CSN1S1: variants seen among roughly 807,000 people sequenced by gnomAD.
CSN1S1 encodes the protein alpha-S1-casein.
CSN1S1 carries 63 observed loss-of-function variants against 49.1 expected under a neutral mutation model. The observed-to-expected ratio is 1.28, with a 90% CI of 1.05 to 1.58. The LOEUF is 1.58. CSN1S1 is among the 40% of genes most tolerant of loss of function. The probability of loss-of-function intolerance (pLI) is 0.00; values close to 1 mark genes in which losing one functional copy is unlikely to be tolerated. For missense variants in CSN1S1, 260 were observed against 224.7 expected (o/e 1.16, Z -1.01); for synonymous variants, 78 against 67.1 (o/e 1.16, Z -0.79).
intron 4 of CSN1S1, 52 bp from the exon 5 acceptor site, chr4:69,935,874 T>C (rs1401278018): frequency 3.5e-6 from 4 of 1,154,438 alleles, no homozygotes; most frequent in Non-Finnish European, 5.0e-6. Context: ...CTAAATGATT[T>C]GATAGATAAC....
chr4:69,941,752 T>C (rs1722974070), intron 12 of CSN1S1, among the ~76,000 whole-genome samples: 1 of 151,910 alleles, frequency 6.6e-6, no homozygotes, highest in South Asian at 2.1e-4. Context: ...AACTTGTGTT[T>C]AAAATAGTAT....
At chr4:69,937,042 C>A in intron 7 of CSN1S1, 79 bp from the exon 8 acceptor site, 2 of 1,101,302 alleles carry the variant, frequency 1.8e-6, no homozygotes, top group Non-Finnish European at 2.6e-6. Flanking sequence ...ATTGAGAGAG[C>A]AGGTGCTCAA....
In CSN1S1 at chr4:69,941,061, G is replaced by C; in HGVS notation, c.342+1G>C. ...GAACGAATACAACCAACTTCAGCTG[G>C]TAATATTTTATTCATTATAATACAA... On this transcript the variant is annotated splice_donor_variant, in intron 12 of 15. Coordinates refer to ENST00000246891, the MANE Select transcript of CSN1S1 (RefSeq NM_001890.2). LOFTEE classifies it high-confidence loss of function. 6.8e-7 allele frequency: 1 copy of C among 1,474,436 alleles called. No individual in the cohort carries two copies. Among genetic ancestry groups the C allele is most frequent in the Non-Finnish European group, 9.3e-7 (1 of 1,078,668 alleles). The allele number at this position is 1,474,436 out of a possible 1,614,324, so 91.3% of individuals were successfully genotyped here. A position where few individuals can be genotyped will look rare whatever the true frequency, so the allele number is the denominator to read the frequency against.
At chr4:69,941,294 C>A (rs1197533585) in intron 12 of CSN1S1, among the ~76,000 whole-genome samples, 3 of 151,688 alleles carry the variant, frequency 2.0e-5, no homozygotes, top group Non-Finnish European at 4.4e-5. Context: ...ACTTACTAAC[C>A]AGGGAGAAAG....
At chr4:69,939,355 A>T (rs1315386445) in intron 10 of CSN1S1, 147 bp downstream of exon 10, 3 of 441,742 alleles carry the variant, frequency 6.8e-6, no homozygotes, top group African/African-American at 6.1e-5. Context: ...GTGAGTAGCT[A>T]TCCAAAAGAA....
intron 14 of CSN1S1, among the ~76,000 whole-genome samples, chr4:69,942,948 A>T (rs1578137346): frequency 2.1e-5 from 1 of 47,870 alleles, no homozygotes; most frequent in Admixed American, 2.2e-4. Context: ...CATGCTAATT[A>T]AAAAAAAAAA....
chr4:69,939,664 C>G (rs1262379936), intron 10 of CSN1S1, among the ~76,000 whole-genome samples: 1 of 151,612 alleles, frequency 6.6e-6, no homozygotes, highest in African/African-American at 2.4e-5. Context: ...AAAAAGTCAG[C>G]CTACAAAAAA....
Position 69,944,936 on chromosome 4 carries a change from G to A in CSN1S1, c.489G>A (p.Pro163=), listed in dbSNP as rs764905619. 6.5e-5 allele frequency: 105 copies of A among 1,612,686 alleles called. No individual in the cohort carries two copies. The highest frequency in any genetic ancestry group is 7.8e-5 in the Non-Finnish European group (92 of 1,179,268). Residue 163 remains proline, a synonymous_variant, in exon 15 of 16, where the codon CCG becomes CCA. Transcript: ENST00000246891. The stretch of plus-strand genomic sequence containing the variant: ...TCATGCAGTATGTTCCTTTCCCACC[G>A]TTTTCCGACATCTCCAATCCCACTG... ...PQIMQYVPFP[P]FSDISNPTAH... is the part of the protein sequence containing the mutation.
At chr4:69,932,891 C>T (rs1722652766) in intron 2 of CSN1S1, among the ~76,000 whole-genome samples, 1 of 151,844 alleles carries the variant, frequency 6.6e-6, no homozygotes, top group South Asian at 2.1e-4. Context: ...TAAGGTAATG[C>T]ACAACATAAT....
intron 4 of CSN1S1, 37 bp downstream of exon 4, chr4:69,934,747 C>T (rs749706031): frequency 6.3e-7 from 1 of 1,588,964 alleles, no homozygotes; most frequent in Non-Finnish European, 8.6e-7. Flanking sequence ...ATTCTCTCTT[C>T]CTTTTGCTCT....
chr4:69,937,448 C>A (rs1455371307), intron 8 of CSN1S1, among the ~76,000 whole-genome samples: 1 of 150,008 alleles, frequency 6.7e-6, no homozygotes, highest in East Asian at 2.0e-4. Flanking sequence ...CAGTGCTCTC[C>A]TTTAGTCCAG....
At chr4:69,934,913 C>T (rs1256413782) in intron 4 of CSN1S1, among the ~76,000 whole-genome samples, 2 of 152,042 alleles carry the variant, frequency 1.3e-5, no homozygotes, top group African/African-American at 4.8e-5. Context: ...TAAGCATAGA[C>T]TTATTAAATT....
intron 7 of CSN1S1, 26 bp from the exon 8 acceptor site, chr4:69,937,095 A>G (rs1722809778): frequency 6.5e-7 from 1 of 1,531,112 alleles, no homozygotes; most frequent in Non-Finnish European, 8.8e-7. Flanking sequence ...AATCTGTCAT[A>G]CCTAACTGAT....
intron 11 of CSN1S1, 47 bp from the exon 12 acceptor site, chr4:69,940,972 G>C: frequency 1.0e-6 from 1 of 972,832 alleles, no homozygotes; most frequent in Non-Finnish European, 1.6e-6. Flanking sequence ...GATGGGGTTG[G>C]ACTGAATGAC....
intron 5 of CSN1S1, 44 bp from the exon 6 acceptor site, chr4:69,936,412 C>T (rs1421448161): frequency 5.0e-6 from 7 of 1,408,172 alleles, no homozygotes; most frequent in Non-Finnish European, 7.0e-6. Flanking sequence ...TCATGTATGT[C>T]TTGTTTCACT....
chr4:69,945,529 G>A (rs1212472545), intron 15 of CSN1S1, among the ~76,000 whole-genome samples: 1 of 151,834 alleles, frequency 6.6e-6, no homozygotes, highest in Non-Finnish European at 1.5e-5. Flanking sequence ...TAAGTATATT[G>A]TGGGCAAAAT....
Position 69,932,619 on chromosome 4 carries a change from G to A in CSN1S1, c.51+13G>A, listed in dbSNP as rs976117623. On this transcript the variant is annotated intron_variant, in intron 2 of 15. Coordinates refer to ENST00000246891, the MANE Select transcript of CSN1S1 (RefSeq NM_001890.2). Reference sequence around the variant, plus strand: ...TCTTGCCAGGCCTGTAAGTTCAGTAGAGAATTTAGAAAGTCTTAGACTCTT... The same window carrying A: ...TCTTGCCAGGCCTGTAAGTTCAGTAAAGAATTTAGAAAGTCTTAGACTCTT... 12 of 1,585,622 alleles carry A rather than the reference G, an allele frequency of 7.6e-6. No individual in the cohort carries two copies. Among genetic ancestry groups the A allele is most frequent in the Non-Finnish European group, 1.0e-5 (12 of 1,162,834 alleles).
intron 6 of CSN1S1, 30 bp downstream of exon 6, chr4:69,936,509 G>T (rs1441055857): frequency 6.3e-7 from 1 of 1,590,334 alleles, no homozygotes; most frequent in African/African-American, 1.3e-5. Context: ...TTTAAATTAT[G>T]TTAAAAGTTT....
At chr4:69,935,461 G>C (rs1254787179) in intron 4 of CSN1S1, among the ~76,000 whole-genome samples, 3 of 151,926 alleles carry the variant, frequency 2.0e-5, no homozygotes, top group Non-Finnish European at 4.4e-5. Context: ...GAGGTGTGAG[G>C]GTCACTTGAG....
Sources: gnomAD v4.1 joint callset for allele counts (sites outside exome capture counted in the v4.1 genomes callset) on GRCh38, gnomAD v4.1.1 for gene constraint, MANE v1.5 for transcripts, NCBI Gene and HGNC (gene_info 2026-07-23, HGNC 2026-07-21) for gene names.